TMEM210: variants seen among roughly 807,000 people sequenced by gnomAD.
TMEM210 encodes the protein transmembrane protein 210.
TMEM210 carries 7 observed loss-of-function variants against 10.3 expected under a neutral mutation model. The observed-to-expected ratio is 0.68, with a 90% CI of 0.39 to 1.28. The LOEUF is 1.28. Ranked by LOEUF, TMEM210 falls within the 50% of genes most tolerant of loss-of-function variation. The pLI is 0.01. For synonymous variants in TMEM210, 79 were observed against 81.2 expected (o/e 0.97, Z 0.14); for missense variants, 185 against 197.8 (o/e 0.94, Z 0.39).
chr9:137,171,623 G>T lies in TMEM210; in HGVS notation c.224+18C>A. On this transcript the variant is annotated intron_variant, in intron 2 of 3. Coordinates refer to ENST00000413619, the MANE Select transcript of TMEM210 (RefSeq NM_001282477.2). ...CTGGCCTCACTCCCATCCTCTCCCG[G>T]CCCCAGGGTTCACGCACCCCTTGGC... 1 of 1,530,916 alleles carries T rather than the reference G, an allele frequency of 6.5e-7. No individual in the cohort carries two copies. Among genetic ancestry groups the T allele is most frequent in the African/African-American group, 1.4e-5 (1 of 73,078 alleles). The allele number at this position is 1,530,916 out of a possible 1,614,324, so 94.8% of individuals were successfully genotyped here.
Position 137,171,422 on chromosome 9 carries a change from C to A in TMEM210, c.246G>T (p.Val82=). Reference sequence around the variant, plus strand: ...GCCTCCCTGGTGCTCACCTGTTGTCCACTTGTCTCGGGCATGTTTCACTGA... The same window carrying A: ...GCCTCCCTGGTGCTCACCTGTTGTCAACTTGTCTCGGGCATGTTTCACTGA... The part of the protein sequence containing the change: ...RAKGETCPRQ[V]DNRLVENFGV... The change falls in exon 3 of 4, where the codon GTG becomes GTT. Residue 82 remains valine (V), a synonymous_variant. Coordinates refer to ENST00000413619, the MANE Select transcript of TMEM210 (RefSeq NM_001282477.2). 2 of 1,535,640 alleles carry A rather than the reference C, an allele frequency of 1.3e-6. No individual in the cohort carries two copies. The highest frequency in any genetic ancestry group is 8.7e-7 in the Non-Finnish European group (1 of 1,146,652).
rs780501033 is a variant in TMEM210, at chr9:137,171,450, G to A, written c.225-7C>T. 1 of 1,535,422 alleles carries A rather than the reference G, an allele frequency of 6.5e-7. No homozygotes were observed. The highest frequency in any genetic ancestry group is 8.7e-7 in the Non-Finnish European group (1 of 1,146,624). Reference sequence around the variant, plus strand: ...TTGTCTCGGGCATGTTTCACTGAGGGGACGAAGGCCAACATGAGTCCTGGA... The same window carrying A: ...TTGTCTCGGGCATGTTTCACTGAGGAGACGAAGGCCAACATGAGTCCTGGA... On this transcript the variant is annotated splice_region_variant and splice_polypyrimidine_tract_variant and intron_variant, in intron 2 of 3. Transcript: ENST00000413619.
rs1834118248 is a variant in TMEM210, at chr9:137,172,052, CCT to C, written c.-27_-26del. ...TGTCCAGCCCTGGCCCCACTGCACACCTCTGACGGAACTGTTGGAAGGTGCTG... is the reference window on the plus strand; with the variant it reads ...TGTCCAGCCCTGGCCCCACTGCACACCTGACGGAACTGTTGGAAGGTGCTG... On this transcript the variant is annotated 5_prime_UTR_variant, in exon 1 of 4. Coordinates refer to ENST00000413619, the MANE Select transcript of TMEM210 (RefSeq NM_001282477.2). 2.2e-6 allele frequency: 3 copies of C among 1,358,898 alleles called. No homozygotes were observed. The highest frequency in any genetic ancestry group is 1.5e-5 in the African/African-American group (1 of 67,318). 84.2% of individuals were successfully genotyped at this position (1,358,898 alleles called of 1,614,324 possible).
Position 137,171,922 on chromosome 9 carries a change from G to A in TMEM210, c.88+18C>T, listed in dbSNP as rs532976084. ...GGAGCCATGGCTGGGAGTGGAGTGC[G>A]GGGGCAGGAGGAGGCACCTGCAGCA... On this transcript the variant is annotated intron_variant, in intron 1 of 3. Coordinates refer to ENST00000413619, the MANE Select transcript of TMEM210 (RefSeq NM_001282477.2). The A allele has an allele frequency of 2.0e-4, 285 of 1,433,600 alleles. 1 individual carries two copies. In the East Asian group the frequency reaches 4.9e-3, roughly 25 times the overall value. The allele number at this position is 1,433,600 out of a possible 1,614,324, so 88.8% of individuals were successfully genotyped here.
At chr9:137,171,194 G>A (rs1834100004) in intron 3 of TMEM210, 30 bp from the exon 4 acceptor site, 2 of 1,528,336 alleles carry the variant, frequency 1.3e-6, no homozygotes, top group Non-Finnish European at 1.8e-6. Context: ...ATCACGAGCT[G>A]GTAGAGTCCT....
At position 137,171,353 on chromosome 9, in the gene TMEM210, C is replaced by G. The variant is rs966570917; in HGVS notation, c.254+61G>C. 2.0e-6 allele frequency: 3 copies of G among 1,533,982 alleles called. No homozygotes were observed. The Admixed American group carries it at 5.9e-5, about 30-fold the overall frequency. ...TCCAGGGACTCCCCTGGGATAGCTCCCCCCGCCAAGGGCCTCCCCTGAGAC... is the reference window on the plus strand; with the variant it reads ...TCCAGGGACTCCCCTGGGATAGCTCGCCCCGCCAAGGGCCTCCCCTGAGAC... On this transcript the variant is annotated intron_variant, in intron 3 of 3. Transcript: ENST00000413619.
Position 137,171,650 on chromosome 9 carries a change from C to G in TMEM210, c.215G>C (p.Arg72Pro). 6.5e-7 allele frequency: 1 copy of G among 1,534,528 alleles called. No homozygotes were observed. Among genetic ancestry groups the G allele is most frequent in the Non-Finnish European group, 8.7e-7 (1 of 1,146,012 alleles). ...ALVIVAIGVL[R>P]AKGETCPRQV... ...CCCAGGGTTCACGCACCCCTTGGCC[C>G]GCAAGACACCAATTGCCACGATGAC... Residue 72 changes from arginine to proline, a missense_variant, in exon 2 of 4, where the codon CGG becomes CCG. Transcript: ENST00000413619.
Position 137,171,672 on chromosome 9 carries a change from T to C in TMEM210, c.193A>G (p.Ile65Val), listed in dbSNP as rs1046091581. 25 of 1,535,266 alleles carry C rather than the reference T, an allele frequency of 1.6e-5. No homozygotes were observed. The African/African-American group carries it at 3.4e-4, about 21-fold the overall frequency. Residue 65 changes from isoleucine (I) to valine (V), a missense_variant, in exon 2 of 4, where the codon ATC (isoleucine) becomes GTC (valine). Physicochemically the swap from Ile to Val is conservative, Grantham distance 29 (BLOSUM62 3). Transcript: ENST00000413619. Reference protein sequence around the residue: ...ISASCFCALVIVAIGVLRAKG... With the variant: ...ISASCFCALVVVAIGVLRAKG... ...GCCCGCAAGACACCAATTGCCACGA[T>C]GACGAGGGCACAGAAGCAGCTGGCA...
chr9:137,171,845 G>T (rs909089944), intron 1 of TMEM210, 69 bp from the exon 2 acceptor site: 31 of 1,450,100 alleles, frequency 2.1e-5, no homozygotes, highest in Non-Finnish European at 2.7e-5. Flanking sequence ...GTCTGCCCCT[G>T]CCCTGGTAGC....
Position 137,171,994 on chromosome 9 carries a change from G to A in TMEM210, c.34C>T (p.Arg12Cys), listed in dbSNP as rs569777795. The A allele has an allele frequency of 6.4e-5, 90 of 1,417,054 alleles. No homozygotes were observed. Among genetic ancestry groups the A allele is most frequent in the Admixed American group, 1.9e-4 (6 of 32,002 alleles). 87.8% of individuals were successfully genotyped at this position (1,417,054 alleles called of 1,614,324 possible). A position where few individuals can be genotyped will look rare whatever the true frequency, so the allele number is the denominator to read the frequency against. ...APGPWPVSCL[R>C]GGPLGLTYLS... ...TATGTGAGGCCCAAGGGGCCACCAC[G>A]CAGGCAGGACACAGGCCAGGGACCG... Residue 12 changes from arginine (R) to cysteine (C), a missense_variant, in exon 1 of 4, where the codon CGT (arginine) becomes TGT (cysteine). Arg to Cys is a radical substitution (Grantham distance 180). Transcript: ENST00000413619.
rs1424046934 is a variant in TMEM210, at chr9:137,171,059, T to C, written c.360A>G (p.Pro120=). ...DADLEVSLVP[P]LEDQSLVAIP... ...TGGCCACAAGGCTCTGATCCTCTAGTGGTGGCACCAGGGAGACCTCCAGGT... is the reference window on the plus strand; with the variant it reads ...TGGCCACAAGGCTCTGATCCTCTAGCGGTGGCACCAGGGAGACCTCCAGGT... Residue 120 remains proline, a synonymous_variant, in exon 4 of 4, where the codon CCA becomes CCG. Transcript: ENST00000413619. 1 of 1,535,232 alleles carries C rather than the reference T, an allele frequency of 6.5e-7. No homozygotes were observed. Among genetic ancestry groups the C allele is most frequent in the Non-Finnish European group, 8.7e-7 (1 of 1,146,556 alleles).
Position 137,170,941 on chromosome 9 carries a change from C to A in TMEM210, c.*34G>T. Reference sequence around the variant, plus strand: ...GGACAGTGCACAGCCACTAAATACGCTTTAATTCCCCTCCCCCAGCTGCCC... The same window carrying A: ...GGACAGTGCACAGCCACTAAATACGATTTAATTCCCCTCCCCCAGCTGCCC... On this transcript the variant is annotated 3_prime_UTR_variant, in exon 4 of 4. Transcript: ENST00000413619. 1 of 1,521,760 alleles carries A rather than the reference C, an allele frequency of 6.6e-7. No individual in the cohort carries two copies. Among genetic ancestry groups the A allele is most frequent in the Non-Finnish European group, 8.8e-7 (1 of 1,138,986 alleles). The allele number at this position is 1,521,760 out of a possible 1,614,324, so 94.3% of individuals were successfully genotyped here.
intron 3 of TMEM210, 64 bp from the exon 4 acceptor site, chr9:137,171,228 T>C: frequency 2.0e-6 from 3 of 1,500,576 alleles, no homozygotes; most frequent in Non-Finnish European, 2.7e-6. Context: ...CAGGCTGGCG[T>C]CTGGGACAGT....
chr9:137,171,147 C>T lies in TMEM210; in HGVS notation c.272G>A (p.Gly91Glu), dbSNP rs1834099053. ...CAGGTCCATGAGATCTTCCTGGACC[C>T]CAAAATTCTCCACCAACCTGCATGA... Reference protein sequence around the residue: ...QVDNRLVENFGVQEDLMDLHP... With the variant: ...QVDNRLVENFEVQEDLMDLHP... The change falls in exon 4 of 4, where the codon GGG becomes GAG. Residue 91 changes from glycine to glutamate, a missense_variant. Physicochemically the swap from Gly to Glu is moderately conservative, Grantham distance 98. Transcript: ENST00000413619. 12 of 1,535,026 alleles carry T rather than the reference C, an allele frequency of 7.8e-6. No homozygotes were observed. The highest frequency in any genetic ancestry group is 1.0e-5 in the Non-Finnish European group (12 of 1,146,294).
chr9:137,170,921 G>C lies in TMEM210; in HGVS notation c.*54C>G. 6.7e-7 allele frequency: 1 copy of C among 1,497,974 alleles called. No homozygotes were observed. Among genetic ancestry groups the C allele is most frequent in the Admixed American group, 2.1e-5 (1 of 48,704 alleles). The allele number at this position is 1,497,974 out of a possible 1,614,324, so 92.8% of individuals were successfully genotyped here. On this transcript the variant is annotated 3_prime_UTR_variant, in exon 4 of 4. Transcript: ENST00000413619. The stretch of plus-strand genomic sequence containing the variant: ...CTCAGGAGGGCCTGCAGGGAGGACA[G>C]TGCACAGCCACTAAATACGCTTTAA...
chr9:137,171,358 G>C (rs945776076), intron 3 of TMEM210, 56 bp downstream of exon 3: 19 of 1,533,848 alleles, frequency 1.2e-5, no homozygotes, highest in Non-Finnish European at 1.6e-5. Flanking sequence ...AGCTCCCCCC[G>C]CCAAGGGCCT....
chr9:137,171,099 T>C lies in TMEM210; in HGVS notation c.320A>G (p.Gln107Arg). 6.5e-7 allele frequency: 1 copy of C among 1,535,420 alleles called. No homozygotes were observed. The highest frequency in any genetic ancestry group is 8.7e-7 in the Non-Finnish European group (1 of 1,146,532). ...GACCTCCAGGTCAGCGTCCATTAGC[T>C]GGGACTCCACGTAAACCGGGTGCAG... The part of the protein sequence containing the change: ...MDLHPVYVES[Q>R]LMDADLEVSL... The change falls in exon 4 of 4, where the codon CAG becomes CGG. Residue 107 changes from glutamine to arginine, a missense_variant. Transcript: ENST00000413619.
Position 137,171,654 on chromosome 9 carries a change from A to G in TMEM210, c.211T>C (p.Leu71=). 1 of 1,534,884 alleles carries G rather than the reference A, an allele frequency of 6.5e-7. No individual in the cohort carries two copies. The highest frequency in any genetic ancestry group is 8.7e-7 in the Non-Finnish European group (1 of 1,146,198). ...GGGTTCACGCACCCCTTGGCCCGCA[A>G]GACACCAATTGCCACGATGACGAGG... ...CALVIVAIGV[L]RAKGETCPRQ... is the part of the protein sequence containing the mutation. The change falls in exon 2 of 4, where the codon TTG becomes CTG. Residue 71 remains leucine (L), a synonymous_variant. Coordinates refer to ENST00000413619, the MANE Select transcript of TMEM210 (RefSeq NM_001282477.2).
In TMEM210 at chr9:137,171,786, CA is replaced by C; in HGVS notation, c.89-11del. ...TCACAGTAGGTTCCAGCTGCAGAGA[CA>C]GGGCCACATGGCCATGGGCCGGTCA... On this transcript the variant is annotated splice_polypyrimidine_tract_variant and intron_variant, in intron 1 of 3. Transcript: ENST00000413619. The C allele has an allele frequency of 6.6e-7, 1 of 1,524,754 alleles. No individual in the cohort carries two copies. Among genetic ancestry groups the C allele is most frequent in the Non-Finnish European group, 8.8e-7 (1 of 1,140,328 alleles). 94.5% of individuals were successfully genotyped at this position (1,524,754 alleles called of 1,614,324 possible). A position where few individuals can be genotyped will look rare whatever the true frequency, so the allele number is the denominator to read the frequency against.
Sources: allele counts gnomAD v4.1 joint callset, GRCh38; gene constraint gnomAD v4.1.1; transcripts MANE v1.5; gene names NCBI Gene and HGNC (gene_info 2026-07-23, HGNC 2026-07-21).